Variants in NEK4 observed in about 807,000 individuals in gnomAD.
NEK4 encodes the protein serine/threonine-protein kinase Nek4.
A neutral mutation model predicts 98.4 loss-of-function variants in NEK4; 86 were observed. The ratio of observed to expected loss-of-function variants is 0.87; its 90% CI spans 0.73 to 1.05. The LOEUF (loss-of-function observed/expected upper bound fraction) is 1.05, where lower values mean the gene tolerates loss of function less well. Among genes scored for constraint, NEK4 ranks in the 50% least tolerant of loss-of-function variants. The probability of loss-of-function intolerance (pLI) is 0.00; values close to 1 mark genes in which losing one functional copy is unlikely to be tolerated. For missense variants in NEK4, 898 were observed against 950.3 expected (o/e 0.94, Z 0.72); for synonymous variants, 328 against 342.2 (o/e 0.96, Z 0.46).
At chr3:52,767,959 G>A (rs973558240) in intron 2 of NEK4, among the ~76,000 whole-genome samples, 19 of 152,158 alleles carry the variant, frequency 1.2e-4, no homozygotes, top group Non-Finnish European at 2.8e-4. Context: ...TACCCCAGCA[G>A]ACTGACAGAT....
intron 6 of NEK4, among the ~76,000 whole-genome samples, chr3:52,758,609 A>T (rs1452847872): frequency 6.6e-6 from 1 of 152,072 alleles, no homozygotes; most frequent in Non-Finnish European, 1.5e-5. Context: ...TTTTGTGAAA[A>T]GGACATTATC....
At chr3:52,713,315 C>T (rs2097352142) in intron 15 of NEK4, among the ~76,000 whole-genome samples, 1 of 152,102 alleles carries the variant, frequency 6.6e-6, no homozygotes, top group Non-Finnish European at 1.5e-5. Context: ...AAATCCAAAC[C>T]AAGGGACATT....
chr3:52,768,855 C>T (rs72960281), intron 1 of NEK4, among the ~76,000 whole-genome samples: 8,349 of 152,206 alleles, frequency 0.055, 488 homozygotes, highest in African/African-American at 0.15. Context: ...TTCACAATTT[C>T]ATTAATGACT....
At chr3:52,747,969 A>AT (rs2097399095) in intron 8 of NEK4, among the ~76,000 whole-genome samples, 2 of 151,384 alleles carry the variant, frequency 1.3e-5, no homozygotes, top group East Asian at 1.9e-4. Flanking sequence ...ATTTTATTTA[A>AT]TTTTTTTTGA....
chr3:52,759,459 C>A (rs1698267727), intron 6 of NEK4, among the ~76,000 whole-genome samples: 2 of 151,716 alleles, frequency 1.3e-5, no homozygotes, highest in Admixed American at 1.3e-4. Flanking sequence ...TACAAATGGC[C>A]AACAAGCATG....
chr3:52,752,917 AAT>A (rs1553616669), intron 6 of NEK4, among the ~76,000 whole-genome samples: 53 of 83,950 alleles, frequency 6.3e-4, no homozygotes, highest in South Asian at 9.3e-4. Flanking sequence ...AAAAAAAAAA[AAT>A]ATATATATAT....
intron 6 of NEK4, chr3:52,753,778 T>C (rs1317094960): frequency 1.9e-6 from 1 of 531,926 alleles, no homozygotes; most frequent in Non-Finnish European, 3.8e-6. Context: ...TTACCTTGGT[T>C]GCGGAGCAGA....
At chr3:52,738,802 G>C (rs1339338021) in intron 14 of NEK4, among the ~76,000 whole-genome samples, 2 of 151,834 alleles carry the variant, frequency 1.3e-5, no homozygotes, top group African/African-American at 4.8e-5. Context: ...ACAAGAGTTT[G>C]GTTTAATGAC....
rs200777277 is a variant in NEK4 at position 52,760,940 on chromosome 3, T to C, written c.822-4A>G. Reference sequence around the variant, plus strand: ...AATGTTATTTTTGGAGGTTTTTCTTTATAAAGAAGAAAAGAAAGAGTTATT... The same window carrying C: ...AATGTTATTTTTGGAGGTTTTTCTTCATAAAGAAGAAAAGAAAGAGTTATT... On this transcript the variant is annotated splice_region_variant and splice_polypyrimidine_tract_variant and intron_variant, in intron 5 of 15. Coordinates refer to ENST00000233027, the MANE Select transcript of NEK4 (RefSeq NM_003157.6). The C allele has an allele frequency of 6.4e-7, 1 of 1,553,798 alleles. No homozygotes were observed. Among genetic ancestry groups the C allele is most frequent in the Non-Finnish European group, 8.8e-7 (1 of 1,140,154 alleles).
chr3:52,737,545 C>T, intron 15 of NEK4, 41 bp downstream of exon 15: 1 of 1,604,706 alleles, frequency 6.2e-7, no homozygotes, highest in Non-Finnish European at 8.5e-7. Flanking sequence ...TTAAAAAATT[C>T]TATAACATAA....
chr3:52,765,121 C>T (rs529658390), intron 4 of NEK4, among the ~76,000 whole-genome samples: 7 of 152,124 alleles, frequency 4.6e-5, no homozygotes, highest in African/African-American at 9.6e-5. Context: ...GAGGCTGAGG[C>T]GGGCGGATCA....
chr3:52,739,598 T>C lies in NEK4; in HGVS notation c.2130A>G (p.Gln710=), dbSNP rs375206563. 1.2e-6 allele frequency: 2 copies of C among 1,614,050 alleles called. No homozygotes were observed. The highest frequency in any genetic ancestry group is 2.2e-5 in the East Asian group (1 of 44,888). ...GQTNEINALV[Q]LMTQTLKLDS... ...CCAGTTTCAGGGTCTGAGTCATCAA[T>C]TGTACCAAGGCATTAATTTCATTTG... Residue 710 remains glutamine, a synonymous_variant, in exon 14 of 16, where the codon CAA becomes CAG. Coordinates refer to ENST00000233027, the MANE Select transcript of NEK4 (RefSeq NM_003157.6).
intron 11 of NEK4, 41 bp from the exon 12 acceptor site, chr3:52,743,502 T>C: frequency 6.6e-7 from 1 of 1,511,858 alleles, no homozygotes; most frequent in Middle Eastern, 1.8e-4. Flanking sequence ...TGTGGTGGGC[T>C]GCCCCAGTTG....
At chr3:52,728,584 G>C (rs2097366694) in intron 15 of NEK4, among the ~76,000 whole-genome samples, 1 of 152,126 alleles carries the variant, frequency 6.6e-6, no homozygotes, top group African/African-American at 2.4e-5. Flanking sequence ...ATGTGTGTTT[G>C]AACAATATGA....
chr3:52,755,802 C>T (rs943960120), intron 6 of NEK4, among the ~76,000 whole-genome samples: 2 of 152,100 alleles, frequency 1.3e-5, no homozygotes, highest in Non-Finnish European at 2.9e-5. Context: ...AAAGATTCCA[C>T]ATACAGAAAC....
intron 15 of NEK4, among the ~76,000 whole-genome samples, chr3:52,717,735 G>A (rs1405734443): frequency 3.9e-5 from 6 of 151,958 alleles, no homozygotes; most frequent in African/African-American, 1.2e-4. Flanking sequence ...GCCTCAGAGT[G>A]CTTTCAAAAA....
chr3:52,752,927 T>TACACACAC (rs1299044456), intron 6 of NEK4, among the ~76,000 whole-genome samples: 9 of 45,664 alleles, frequency 2.0e-4, no homozygotes, highest in African/African-American at 6.2e-4. Flanking sequence ...AATATATATA[T>TACACACAC]ATATATACAC....
At chr3:52,729,752 A>C (rs1487908240) in intron 15 of NEK4, among the ~76,000 whole-genome samples, 8 of 152,016 alleles carry the variant, frequency 5.3e-5, no homozygotes, top group Admixed American at 5.2e-4. Context: ...GCCAAAAAAA[A>C]AAAAAAGACT....
intron 15 of NEK4, among the ~76,000 whole-genome samples, chr3:52,712,181 A>C (rs1416474670): frequency 6.6e-6 from 1 of 152,276 alleles, no homozygotes; most frequent in African/African-American, 2.4e-5. Context: ...AAACAAAATC[A>C]ATTTCATAGA....
Sources: gnomAD v4.1 joint callset for allele counts (sites outside exome capture counted in the v4.1 genomes callset) on GRCh38, gnomAD v4.1.1 for gene constraint, MANE v1.5 for transcripts, NCBI Gene and HGNC (gene_info 2026-07-23, HGNC 2026-07-21) for gene names.